GRB10: variants seen among roughly 807,000 people sequenced by gnomAD.
GRB10 encodes growth factor receptor bound protein 10.
In GRB10, 20 loss-of-function variants were observed where a neutral mutation model predicts 80.9. The ratio of observed to expected loss-of-function variants is 0.25; its 90% CI spans 0.17 to 0.36. The LOEUF (loss-of-function observed/expected upper bound fraction) is 0.36, where lower values mean the gene tolerates loss of function less well. Ranked by LOEUF, GRB10 falls within the 10% of genes least tolerant of loss-of-function variation. The probability of loss-of-function intolerance (pLI) is 1.00; values close to 1 mark genes in which losing one functional copy is unlikely to be tolerated. For missense variants in GRB10, 548 were observed against 747.7 expected (o/e 0.73, Z 3.12); for synonymous variants, 291 against 291.5 (o/e 1.00, Z 0.02).
chr7:50,786,234 T>A (rs1047785956), upstream of GRB10, among the ~76,000 whole-genome samples: 1 of 151,588 alleles, frequency 6.6e-6, no homozygotes, highest in Non-Finnish European at 1.5e-5. Flanking sequence ...AGATAAAAAA[T>A]ACAGAGAACC....
intron 17 of GRB10, among the ~76,000 whole-genome samples, chr7:50,602,057 T>C: frequency 6.4e-5 from 1 of 15,636 alleles, no homozygotes; most frequent in Non-Finnish European, 1.1e-3. Flanking sequence ...TTAAACAAAA[T>C]CCAAACTAAC....
intron 7 of GRB10, among the ~76,000 whole-genome samples, chr7:50,630,514 T>C (rs1461952539): frequency 6.6e-6 from 1 of 152,170 alleles, no homozygotes; most frequent in Non-Finnish European, 1.5e-5. Context: ...AGGCTCCAGC[T>C]GAAGGCCTGT....
chr7:50,740,439 A>G (rs2071500375), intron 3 of GRB10, among the ~76,000 whole-genome samples: 1 of 152,270 alleles, frequency 6.6e-6, no homozygotes, highest in African/African-American at 2.4e-5. Flanking sequence ...TGTACAATTA[A>G]TGATGATTGG....
intron 7 of GRB10, among the ~76,000 whole-genome samples, chr7:50,629,987 G>A (rs1459703084): frequency 2.0e-5 from 3 of 152,214 alleles, no homozygotes; most frequent in Non-Finnish European, 4.4e-5. Context: ...TCCAAGGTAT[G>A]ACTTGTTTAG....
At chr7:50,720,865 C>T (rs2067609122) in intron 4 of GRB10, among the ~76,000 whole-genome samples, 1 of 151,830 alleles carries the variant, frequency 6.6e-6, no homozygotes, top group Non-Finnish European at 1.5e-5. Flanking sequence ...CTCTGCCTGG[C>T]TGTCTAAAGC....
intron 3 of GRB10, among the ~76,000 whole-genome samples, chr7:50,751,187 A>G (rs991174451): frequency 6.6e-6 from 1 of 152,166 alleles, no homozygotes; most frequent in African/African-American, 2.4e-5. Context: ...AGGTAGACCC[A>G]CAGCCATGTC....
At chr7:50,727,954 G>A (rs2068921806) in intron 4 of GRB10, 1 of 152,194 alleles carries the variant, frequency 6.6e-6, no homozygotes, top group Non-Finnish European at 1.5e-5. Flanking sequence ...GTGAATAGTA[G>A]TCAACACACT....
intron 7 of GRB10, among the ~76,000 whole-genome samples, chr7:50,655,009 C>T (rs941352512): frequency 5.3e-5 from 8 of 152,200 alleles, no homozygotes; most frequent in African/African-American, 1.9e-4. Flanking sequence ...ATGATTCAGT[C>T]CAGGACCCAA....
intron 5 of GRB10, among the ~76,000 whole-genome samples, chr7:50,693,405 A>T (rs912327602): frequency 6.6e-6 from 1 of 152,212 alleles, no homozygotes; most frequent in South Asian, 2.1e-4. Flanking sequence ...CACCAAATAC[A>T]TTGCTACAAA....
At chr7:50,678,183 A>G (rs1395177611) in intron 5 of GRB10, among the ~76,000 whole-genome samples, 2 of 152,266 alleles carry the variant, frequency 1.3e-5, no homozygotes, top group African/African-American at 2.4e-5. Context: ...GGTCAAATGC[A>G]AAGTAATTCT....
intron 15 of GRB10, among the ~76,000 whole-genome samples, 159 bp from the exon 16 acceptor site, chr7:50,604,536 G>C (rs2048183461): frequency 6.6e-6 from 1 of 152,132 alleles, no homozygotes; most frequent in South Asian, 2.1e-4. Flanking sequence ...TGAGAACAAA[G>C]AGCTCAGGGT....
At chr7:50,639,232 C>T (rs192362168) in intron 7 of GRB10, among the ~76,000 whole-genome samples, 1 of 152,172 alleles carries the variant, frequency 6.6e-6, no homozygotes, top group African/African-American at 2.4e-5. Context: ...CATACACCCC[C>T]GAGTCTAAAA....
At chr7:50,619,403 T>C in intron 8 of GRB10, 118 bp from the exon 9 acceptor site, 1 of 739,998 alleles carries the variant, frequency 1.4e-6, no homozygotes, top group Admixed American at 1.9e-5. Flanking sequence ...TGAATAAAGA[T>C]GAGGTCAGGA....
intron 5 of GRB10, among the ~76,000 whole-genome samples, chr7:50,695,297 T>C (rs1021059533): frequency 6.6e-6 from 1 of 152,198 alleles, no homozygotes; most frequent in Non-Finnish European, 1.5e-5. Flanking sequence ...AAACCACACA[T>C]TACTGATAGC....
chr7:50,633,616 A>G (rs79238498), intron 7 of GRB10, among the ~76,000 whole-genome samples: 1 of 152,198 alleles, frequency 6.6e-6, no homozygotes, highest in African/African-American at 2.4e-5. Context: ...AGGAAGCTCA[A>G]TGAGAGCCAA....
At chr7:50,605,015 T>C (rs1265409982) in intron 15 of GRB10, 16 of 482,540 alleles carry the variant, frequency 3.3e-5, no homozygotes, top group Non-Finnish European at 6.1e-5. Context: ...AGCAGAACAG[T>C]TCTGCATAGG....
rs139522575 is a variant in GRB10, at chr7:50,715,510, C to T, written c.52-11602G>A. ...GTGGGCCATAAGAAACAGTTCACCT[C>T]GCCCTTCAGGTATGAAAAATCTTAT... On this transcript the variant is annotated intron_variant, in intron 4 of 18. Coordinates refer to ENST00000401949, the MANE Select transcript of GRB10 (RefSeq NM_001350814.2). 5.4e-3 allele frequency among the ~76,000 whole-genome samples: 820 copies of T among 152,260 alleles called. 1 individual carries two copies. The highest frequency in any genetic ancestry group is 6.9e-3 in the Admixed American group (105 of 15,304).
intron 3 of GRB10, among the ~76,000 whole-genome samples, chr7:50,742,644 C>CT (rs1278479910): frequency 6.6e-6 from 1 of 151,720 alleles, no homozygotes; most frequent in Non-Finnish European, 1.5e-5. Flanking sequence ...AACTACTGGA[C>CT]TGCATATTAC....
chr7:50,591,608 C>G lies in GRB10; in HGVS notation c.*1344G>C. The G allele has an allele frequency of 6.6e-6, 1 of 152,258 alleles. No homozygotes were observed. Among genetic ancestry groups the G allele is most frequent in the East Asian group, 1.9e-4 (1 of 5,192 alleles). 9.4% of individuals were successfully genotyped at this position (152,258 alleles called of 1,614,324 possible). On this transcript the variant is annotated 3_prime_UTR_variant, in exon 19 of 19. Transcript: ENST00000401949. The stretch of plus-strand genomic sequence containing the variant: ...GTGGCAAAGGGGGCCACCCGAGGGG[C>G]GGAGGGGACCAAGTGACAACTCAAG...
Sources: allele counts gnomAD v4.1 joint callset (sites outside exome capture counted in the v4.1 genomes callset), GRCh38; gene constraint gnomAD v4.1.1; transcripts MANE v1.5; gene names NCBI Gene and HGNC (gene_info 2026-07-23, HGNC 2026-07-21).